The following LHFPL3 variants were observed in gnomAD, a reference collection of about 807,000 sequenced individuals.
LHFPL3 encodes LHFPL tetraspan subfamily member 3.
Under a neutral mutation model 19.3 loss-of-function variants are expected in LHFPL3, and 5 were observed. The ratio of observed to expected loss-of-function variants is 0.26; its 90% confidence interval spans 0.14 to 0.54. LHFPL3 has a LOEUF of 0.54. Among genes scored for constraint, LHFPL3 ranks in the 20% least tolerant of loss-of-function variants. The probability of loss-of-function intolerance (pLI) is 0.94; values close to 1 mark genes in which losing one functional copy is unlikely to be tolerated. For synonymous variants in LHFPL3, 133 were observed against 126.2 expected (o/e 1.05, Z -0.36); for missense variants, 249 against 307.4 (o/e 0.81, Z 1.42).
intron 1 of LHFPL3, among the ~76,000 whole-genome samples, chr7:104,677,283 A>C (rs937402501): frequency 6.6e-6 from 1 of 151,960 alleles, no homozygotes; most frequent in Non-Finnish European, 1.5e-5. Flanking sequence ...AGGCTGAGGT[A>C]GGAGGATCAT....
chr7:104,845,588 G>C lies in LHFPL3; in HGVS notation c.683-60599G>C, dbSNP rs1791298877. 5 of 414,428 alleles carry C rather than the reference G, an allele frequency of 1.2e-5. No individual in the cohort carries two copies. In the South Asian group the frequency reaches 5.0e-4, roughly 41 times the overall value. The allele number at this position is 414,428 out of a possible 1,614,324, so 25.7% of individuals were successfully genotyped here. ...TTCAAGCCATAAATCTTCTGTCTTT[G>C]TTCCTGATTTTATATTTTTACTTCT... On this transcript the variant is annotated intron_variant, in intron 2 of 2. Coordinates refer to ENST00000424859, the MANE Select transcript of LHFPL3 (RefSeq NM_199000.3).
At position 104,518,601 on chromosome 7, in the gene LHFPL3, T is replaced by C. The variant is rs2115797625; in HGVS notation, c.445+189377T>C. On this transcript the variant is annotated intron_variant, in intron 1 of 2. Transcript: ENST00000424859. ...GAGTTAGAGGCCAGCCTGGCCAACA[T>C]GGCGAAACCCTGTCTCCATTAAAAA... 1.3e-5 allele frequency among the ~76,000 whole-genome samples: 2 copies of C among 152,252 alleles called. 1 individual carries two copies.
chr7:104,402,143 A>G (rs1253532172), intron 1 of LHFPL3, among the ~76,000 whole-genome samples: 2 of 152,042 alleles, frequency 1.3e-5, no homozygotes, highest in Non-Finnish European at 2.9e-5. Flanking sequence ...CCAAGTCATG[A>G]GTAGTTTTGG....
chr7:104,878,267 C>T (rs1006064366), intron 2 of LHFPL3, among the ~76,000 whole-genome samples: 1 of 150,038 alleles, frequency 6.7e-6, no homozygotes, highest in Non-Finnish European at 1.5e-5. Context: ...ACAAATATTG[C>T]TTTTTTTTTT....
In LHFPL3 at chr7:104,474,650, G is replaced by A. The variant is rs1048601788; in HGVS notation, c.445+145426G>A. ...CCTCTGCACTCCAGCCTGGGCGACA[G>A]AGCAAGACTCCATCACAACGACAAC... On this transcript the variant is annotated intron_variant, in intron 1 of 2. Coordinates refer to ENST00000424859, the MANE Select transcript of LHFPL3 (RefSeq NM_199000.3). Among the ~76,000 whole-genome samples, 5 of 121,750 alleles carry A rather than the reference G, an allele frequency of 4.1e-5. No homozygotes were observed. In the East Asian group the frequency reaches 1.0e-3, roughly 25 times the overall value. 79.9% of individuals were successfully genotyped at this position (121,750 alleles called of 152,430 possible).
chr7:104,372,995 T>TAAAAAAAA (rs748027261), intron 1 of LHFPL3, among the ~76,000 whole-genome samples: 2 of 28,700 alleles, frequency 7.0e-5, no homozygotes, highest in African/African-American at 4.4e-4. Flanking sequence ...AGAGCTTCTT[T>TAAAAAAAA]ACAAAAAAAA....
chr7:104,461,231 T>C (rs1792656798), intron 1 of LHFPL3, among the ~76,000 whole-genome samples: 1 of 152,198 alleles, frequency 6.6e-6, no homozygotes, highest in Non-Finnish European at 1.5e-5. Context: ...AACTCACTAT[T>C]ACGAGAACCG....
intron 1 of LHFPL3, among the ~76,000 whole-genome samples, chr7:104,614,725 TTCTTTCTTTCTTTC>T (rs1474391369): frequency 7.1e-5 from 10 of 140,562 alleles, no homozygotes; most frequent in African/African-American, 1.9e-4. Flanking sequence ...CTTTCTTTCT[TTCTTTCTTTCTTTC>T]TCTTTCTCTC....
At chr7:104,842,941 G>A (rs1045176401) in intron 2 of LHFPL3, among the ~76,000 whole-genome samples, 3 of 152,188 alleles carry the variant, frequency 2.0e-5, no homozygotes, top group Non-Finnish European at 4.4e-5. Flanking sequence ...AAAAGTTGTT[G>A]AACAGATCAA....
At chr7:104,467,091 T>G (rs920031183) in intron 1 of LHFPL3, among the ~76,000 whole-genome samples, 2 of 152,214 alleles carry the variant, frequency 1.3e-5, no homozygotes, top group African/African-American at 4.8e-5. Flanking sequence ...TTTTTACTCC[T>G]TTACTTGCAT....
intron 1 of LHFPL3, among the ~76,000 whole-genome samples, chr7:104,663,636 G>C (rs1792273167): frequency 6.6e-6 from 1 of 152,220 alleles, no homozygotes; most frequent in Non-Finnish European, 1.5e-5. Flanking sequence ...TATGCCAAAG[G>C]TATATGCCAA....
At chr7:104,894,049 G>C (rs1204905711) in intron 2 of LHFPL3, among the ~76,000 whole-genome samples, 6 of 152,050 alleles carry the variant, frequency 3.9e-5, no homozygotes, top group Non-Finnish European at 8.8e-5. Flanking sequence ...GAAAGAAGTA[G>C]AGTAATAGGC....
intron 1 of LHFPL3, among the ~76,000 whole-genome samples, chr7:104,452,165 A>G (rs1358851761): frequency 6.6e-6 from 1 of 152,170 alleles, no homozygotes; most frequent in African/African-American, 2.4e-5. Context: ...TCATCTCTGT[A>G]TAGTATGCAC....
At chr7:104,573,302 C>T (rs1055789910) in intron 1 of LHFPL3, among the ~76,000 whole-genome samples, 6 of 150,980 alleles carry the variant, frequency 4.0e-5, no homozygotes, top group African/African-American at 2.4e-5. Context: ...ATCCTAGCTA[C>T]TGGGGAGGCT....
At chr7:104,434,569 A>G (rs1260850230) in intron 1 of LHFPL3, among the ~76,000 whole-genome samples, 1 of 152,226 alleles carries the variant, frequency 6.6e-6, no homozygotes, top group Non-Finnish European at 1.5e-5. Context: ...ATCAATCAGT[A>G]TCCCAGGTCC....
chr7:104,504,044 C>T (rs1028507439), intron 1 of LHFPL3, among the ~76,000 whole-genome samples: 5 of 152,172 alleles, frequency 3.3e-5, no homozygotes, highest in African/African-American at 9.7e-5. Flanking sequence ...GTAGTCAAGT[C>T]ACCTGTTTTT....
At chr7:104,708,270 A>T (rs1286494406) in intron 1 of LHFPL3, among the ~76,000 whole-genome samples, 7 of 152,046 alleles carry the variant, frequency 4.6e-5, no homozygotes, top group Admixed American at 4.6e-4. Context: ...ATGGTAAATC[A>T]TTTTTTTCTG....
Position 104,399,739 on chromosome 7 carries a change from T to TAATCCAAA in LHFPL3, c.445+70515_445+70516insAATCCAAA, listed in dbSNP as rs1791273365. Among the ~76,000 whole-genome samples, 6 of 151,288 alleles carry TAATCCAAA rather than the reference T, an allele frequency of 4.0e-5. No individual in the cohort carries two copies. Among genetic ancestry groups the TAATCCAAA allele is most frequent in the Admixed American group, 2.0e-4 (3 of 15,150 alleles). ...CGCCCACCTCGGCCTCCCAAAGTGC[T>TAATCCAAA]GGGATTACAGTTGTAAGCCACTGCG... On this transcript the variant is annotated intron_variant, in intron 1 of 2. Coordinates refer to ENST00000424859, the MANE Select transcript of LHFPL3 (RefSeq NM_199000.3). This position sits in a 1 kb window ranked among gnomAD's most constrained non-coding sequence, Gnocchi z 4.4.
intron 2 of LHFPL3, among the ~76,000 whole-genome samples, chr7:104,822,220 G>T (rs56305740): frequency 0.011 from 1,624 of 152,280 alleles, 27 homozygotes; most frequent in African/African-American, 0.037. Context: ...TTTCTCAAAG[G>T]TGGAAAACAT....
Sources: allele counts gnomAD v4.1 joint callset (sites outside exome capture counted in the v4.1 genomes callset), GRCh38; gene constraint gnomAD v4.1.1; non-coding constraint Gnocchi (gnomAD v3.1); transcripts MANE v1.5; gene names NCBI Gene and HGNC (gene_info 2026-07-23, HGNC 2026-07-21).